The following DECR1 variants were observed in gnomAD, a reference collection of about 807,000 sequenced individuals.
The protein encoded by DECR1 is 2,4-dienoyl-CoA reductase 1.
DECR1 carries 44 observed loss-of-function variants against 38.8 expected under a neutral mutation model. The ratio of observed to expected loss-of-function variants is 1.13; its 90% CI spans 0.89 to 1.46. DECR1 has a LOEUF of 1.46. Among genes scored for constraint, DECR1 ranks in the 40% most tolerant of loss-of-function variants. DECR1 has a pLI of 0.00. For synonymous variants in DECR1, 148 were observed against 135.2 expected (o/e 1.09, Z -0.66); for missense variants, 428 against 405.5 (o/e 1.06, Z -0.48).
chr8:90,006,129 T>A (rs955366789), intron 1 of DECR1: 3 of 687,626 alleles, frequency 4.4e-6, no homozygotes, highest in Non-Finnish European at 8.0e-6. Flanking sequence ...GGATCACATT[T>A]CAACATGAGT....
At chr8:90,033,711 A>G (rs1813552869) in intron 5 of DECR1, among the ~76,000 whole-genome samples, 1 of 152,342 alleles carries the variant, frequency 6.6e-6, no homozygotes, top group South Asian at 2.1e-4. Flanking sequence ...CTGAGAAAAT[A>G]AAACCTTAAA....
chr8:90,036,969 T>G, intron 6 of DECR1, 29 bp downstream of exon 6: 1 of 1,482,976 alleles, frequency 6.7e-7, no homozygotes, highest in South Asian at 1.1e-5. Flanking sequence ...ATCCTGTTGC[T>G]GAACATAACT....
In DECR1 at chr8:90,052,368, TGG is replaced by T. The variant is rs1814122317; in HGVS notation, c.*473_*474del. The stretch of plus-strand genomic sequence containing the variant: ...CACTGGACTTGTGAATTATCTTCTT[TGG>T]GTAACTCAGTATTAACTCAAACCTT... On this transcript the variant is annotated 3_prime_UTR_variant, in exon 10 of 10. Coordinates refer to ENST00000220764, the MANE Select transcript of DECR1 (RefSeq NM_001359.2). 6.6e-6 allele frequency among the ~76,000 whole-genome samples: 1 copy of T among 152,226 alleles called. No individual in the cohort carries two copies. The highest frequency in any genetic ancestry group is 1.5e-5 in the Non-Finnish European group (1 of 68,034).
Position 90,032,719 on chromosome 8 carries a change from T to A in DECR1, c.566-4122T>A, listed in dbSNP as rs558249981. 3.3e-5 allele frequency among the ~76,000 whole-genome samples: 5 copies of A among 152,284 alleles called. No individual in the cohort carries two copies. In the South Asian group the frequency reaches 1.0e-3, roughly 32 times the overall value. On this transcript the variant is annotated intron_variant, in intron 5 of 9. Transcript: ENST00000220764. ...ACATGCTTCCTTAGATATGGCACCCTTATGCACTGCTCAACCATGTGTAGC... is the reference window on the plus strand; with the variant it reads ...ACATGCTTCCTTAGATATGGCACCCATATGCACTGCTCAACCATGTGTAGC...
chr8:90,020,212 C>G (rs1395986979), intron 4 of DECR1, among the ~76,000 whole-genome samples: 1 of 152,154 alleles, frequency 6.6e-6, no homozygotes, highest in African/African-American at 2.4e-5. Flanking sequence ...TCCTGTAGAA[C>G]TAGCCAGAAT....
At chr8:90,042,916 G>C (rs1235239320) in intron 7 of DECR1, 116 bp downstream of exon 7, 2 of 846,066 alleles carry the variant, frequency 2.4e-6, no homozygotes, top group African/African-American at 3.4e-5. Flanking sequence ...TTAGAGCCCT[G>C]GTTCTAGGGA....
chr8:90,015,533 A>G (rs1445425818), intron 1 of DECR1: 2 of 393,164 alleles, frequency 5.1e-6, no homozygotes, highest in East Asian at 1.5e-4. Flanking sequence ...TTCTTGTGCA[A>G]TTTCCAGGTG....
chr8:90,050,315 T>A lies in DECR1; in HGVS notation c.886-1362T>A, dbSNP rs143845240. Among the ~76,000 whole-genome samples the A allele has an allele frequency of 9.5e-4, 144 of 151,388 alleles. 1 individual carries two copies. In the East Asian group the frequency reaches 0.024, roughly 25 times the overall value. ...CTAATATCCAGAATCTACAAAGAACTTAAATTTACAAGAAAAAATCAAACA... is the reference window on the plus strand; with the variant it reads ...CTAATATCCAGAATCTACAAAGAACATAAATTTACAAGAAAAAATCAAACA... On this transcript the variant is annotated intron_variant, in intron 8 of 9. Transcript: ENST00000220764.
At position 90,042,789 on chromosome 8, in the gene DECR1, A is replaced by G. The variant is rs1203051051; in HGVS notation, c.727A>G (p.Ile243Val). 1.2e-6 allele frequency: 2 copies of G among 1,613,280 alleles called. No individual in the cohort carries two copies. The highest frequency in any genetic ancestry group is 3.3e-5 in the Admixed American group (2 of 59,998). Reference protein sequence around the residue: ...MRFNVIQPGPIKTKGAFSRLD... With the variant: ...MRFNVIQPGPVKTKGAFSRLD... ...ATTCAATGTGATTCAACCAGGGCCTATAAAAACCAAAGTAAGTTGTATTTT... is the reference window on the plus strand; with the variant it reads ...ATTCAATGTGATTCAACCAGGGCCTGTAAAAACCAAAGTAAGTTGTATTTT... Residue 243 changes from isoleucine (I) to valine (V), a missense_variant, in exon 7 of 10, where the codon ATA becomes GTA. Ile to Val is a conservative substitution (Grantham distance 29). Coordinates refer to ENST00000220764, the MANE Select transcript of DECR1 (RefSeq NM_001359.2).
chr8:90,009,347 T>A (rs1812825773), intron 1 of DECR1, among the ~76,000 whole-genome samples: 1 of 152,182 alleles, frequency 6.6e-6, no homozygotes, highest in African/African-American at 2.4e-5. Context: ...CCTTTGCTGA[T>A]GACTCTATTT....
chr8:90,004,427 C>G (rs1033383453), intron 1 of DECR1, among the ~76,000 whole-genome samples: 10 of 151,802 alleles, frequency 6.6e-5, no homozygotes, highest in African/African-American at 2.4e-4. Context: ...GGCCAATATT[C>G]AGCAATACAG....
At chr8:90,019,316 T>C in intron 4 of DECR1, 144 bp downstream of exon 4, 1 of 646,884 alleles carries the variant, frequency 1.5e-6, no homozygotes, top group African/African-American at 1.8e-5. Context: ...GGTTCTTGGC[T>C]TCACCCAGGA....
chr8:90,046,589 T>G (rs1005813759), intron 8 of DECR1, among the ~76,000 whole-genome samples: 2 of 152,146 alleles, frequency 1.3e-5, no homozygotes, highest in Admixed American at 6.5e-5. Flanking sequence ...ACAGGGAGAA[T>G]GGAACCAAGT....
intron 1 of DECR1, among the ~76,000 whole-genome samples, chr8:90,014,544 A>C (rs778259355): frequency 2.6e-5 from 4 of 152,194 alleles, no homozygotes; most frequent in Non-Finnish European, 5.9e-5. Context: ...GCTATGTAAT[A>C]ACCTGTTACA....
chr8:90,033,332 A>G (rs1813543214), intron 5 of DECR1, among the ~76,000 whole-genome samples: 1 of 152,136 alleles, frequency 6.6e-6, no homozygotes, highest in Non-Finnish European at 1.5e-5. Flanking sequence ...CATAATATTT[A>G]TTTCATTTAT....
At chr8:90,016,193 T>C (rs1813001945) in intron 1 of DECR1, among the ~76,000 whole-genome samples, 1 of 152,226 alleles carries the variant, frequency 6.6e-6, no homozygotes, top group African/African-American at 2.4e-5. Flanking sequence ...TTATGTTTTG[T>C]GGCCAGAAGC....
chr8:90,016,748 C>A, intron 1 of DECR1: 1 of 170,248 alleles, frequency 5.9e-6, no homozygotes, highest in Non-Finnish European at 1.3e-5. Flanking sequence ...ATTTGTAGTG[C>A]TTACTATGTG....
rs1314732270 is a variant in DECR1, at chr8:90,052,874, T to C, written c.*977T>C. Among the ~76,000 whole-genome samples the C allele has an allele frequency of 6.6e-6, 1 of 152,146 alleles. No homozygotes were observed. ...TGTTCACTAGACTGACTATCCCCAT[T>C]GCCCAAGTTGACACAAGAGGAAACC... is the stretch of plus-strand genomic sequence containing the variant. On this transcript the variant is annotated 3_prime_UTR_variant, in exon 10 of 10. Coordinates refer to ENST00000220764, the MANE Select transcript of DECR1 (RefSeq NM_001359.2).
At chr8:90,024,803 G>A (rs1813286195) in intron 5 of DECR1, among the ~76,000 whole-genome samples, 2 of 152,172 alleles carry the variant, frequency 1.3e-5, no homozygotes, top group African/African-American at 4.8e-5. Context: ...CCATGCCTAT[G>A]TCCTGAATGG....
Sources: allele counts gnomAD v4.1 joint callset (sites outside exome capture counted in the v4.1 genomes callset), GRCh38; gene constraint gnomAD v4.1.1; transcripts MANE v1.5; gene names NCBI Gene and HGNC (gene_info 2026-07-23, HGNC 2026-07-21).